CCDC61: variants seen among roughly 807,000 people sequenced by gnomAD.
CCDC61 encodes coiled-coil domain containing 61, also known as centrosomal protein CCDC61.
Under a neutral mutation model 63.0 loss-of-function variants are expected in CCDC61, and 55 were observed. The ratio of observed to expected loss-of-function variants is 0.87; its 90% CI spans 0.70 to 1.09. The LOEUF (loss-of-function observed/expected upper bound fraction) is 1.09, where lower values mean the gene tolerates loss of function less well. CCDC61 is among the 50% of genes least tolerant of loss of function. The probability of loss-of-function intolerance (pLI) is 0.00; values close to 1 mark genes in which losing one functional copy is unlikely to be tolerated. For synonymous variants in CCDC61, 270 were observed against 317.0 expected, an observed-to-expected ratio of 0.85 and a Z score of 1.58; for missense variants, 651 against 731.4, an observed-to-expected ratio of 0.89 and a Z score of 1.27.
chr19:46,000,088 A>T, intron 1 of CCDC61: 1 of 982,908 alleles, frequency 1.0e-6, no homozygotes, highest in Non-Finnish European at 1.2e-6. Context: ...GCGGGAGGGG[A>T]GAGGGGGCTC....
chr19:46,013,791 G>A (rs1340356557), intron 5 of CCDC61, among the ~76,000 whole-genome samples: 4 of 151,804 alleles, frequency 2.6e-5, no homozygotes, highest in East Asian at 1.9e-4. Flanking sequence ...GCTTCAACCC[G>A]GGAGGCAGAG....
intron 1 of CCDC61, among the ~76,000 whole-genome samples, chr19:46,001,520 G>A (rs929976448): frequency 1.3e-5 from 2 of 152,216 alleles, no homozygotes; most frequent in African/African-American, 4.8e-5. Context: ...CAACGCACAC[G>A]GACGAGATCG....
At chr19:46,007,680 G>A (rs1257149796) in intron 4 of CCDC61, among the ~76,000 whole-genome samples, 3 of 152,148 alleles carry the variant, frequency 2.0e-5, no homozygotes, top group Non-Finnish European at 4.4e-5. Flanking sequence ...GTAGCCACTG[G>A]ATTTCTTAGT....
At position 46,018,133 on chromosome 19, in the gene CCDC61, G is replaced by A. The variant is rs1322941000; in HGVS notation, c.1424G>A (p.Gly475Asp). Residue 475 changes from glycine (G) to aspartate (D), a missense_variant, in exon 13 of 14, where the codon GGC becomes GAC. Coordinates refer to ENST00000595358, the MANE Select transcript of CCDC61 (RefSeq NM_001267723.2). This position sits in a 1 kb window ranked among gnomAD's most constrained non-coding sequence, Gnocchi z 4.2. ...HHQKSLANSG[G>D]WVPIKEYSSE... ...CAGAAATCTCTGGCCAACTCCGGGGGCTGGGTCCCCATCAAAGGTGAGCCT... is the reference window on the plus strand; with the variant it reads ...CAGAAATCTCTGGCCAACTCCGGGGACTGGGTCCCCATCAAAGGTGAGCCT... The A allele has an allele frequency of 1.2e-6, 2 of 1,608,384 alleles. No homozygotes were observed. The highest frequency in any genetic ancestry group is 2.2e-5 in the South Asian group (2 of 89,588).
intron 1 of CCDC61, among the ~76,000 whole-genome samples, chr19:45,996,625 C>T (rs564599177): frequency 1.3e-5 from 2 of 152,258 alleles, no homozygotes; most frequent in South Asian, 4.1e-4. Context: ...GTCTTGAACT[C>T]GTGACCTCAG....
chr19:46,008,119 G>A (rs763118902), intron 4 of CCDC61, 21 bp from the exon 5 acceptor site: 33 of 1,590,112 alleles, frequency 2.1e-5, no homozygotes, highest in Non-Finnish European at 2.7e-5. Context: ...AGATGCCACG[G>A]TTTTAATCCT....
At chr19:46,012,846 A>G (rs1968854343) in intron 5 of CCDC61, among the ~76,000 whole-genome samples, 1 of 138,476 alleles carries the variant, frequency 7.2e-6, no homozygotes. Flanking sequence ...TTTGCACTTA[A>G]TTTAATTTTT....
intron 1 of CCDC61, among the ~76,000 whole-genome samples, chr19:45,996,794 A>G (rs62113435): frequency 0.39 from 58,663 of 151,644 alleles, 12,233 homozygotes; most frequent in Non-Finnish European, 0.47. Context: ...CCAGAATCCA[A>G]CCATGCCTCA....
rs980775375 is a variant in CCDC61, at chr19:46,015,893, T to TC, written c.846-160dup. 4.7e-5 allele frequency among the ~76,000 whole-genome samples: 7 copies of TC among 147,900 alleles called. No individual in the cohort carries two copies. Among genetic ancestry groups the TC allele is most frequent in the African/African-American group, 1.5e-4 (6 of 39,750 alleles). Reference sequence around the variant, plus strand: ...GTTTTAGGGGTCCAATTGGGTGAGGTCTGGGGGGGAAGATATCGAGAGGGT... The same window carrying TC: ...GTTTTAGGGGTCCAATTGGGTGAGGTCCTGGGGGGGAAGATATCGAGAGGGT... On this transcript the variant is annotated intron_variant, in intron 7 of 13. Transcript: ENST00000595358. The surrounding 1 kb of genome is among the most constrained non-coding windows in gnomAD (Gnocchi z 5.3).
Position 46,016,702 on chromosome 19 carries a change from A to G in CCDC61, c.1100A>G (p.Gln367Arg). Residue 367 changes from glutamine (Q) to arginine (R), a missense_variant, in exon 10 of 14, where the codon CAG (glutamine) becomes CGG (arginine). Physicochemically the swap from Gln to Arg is conservative, Grantham distance 43. Transcript: ENST00000595358. This position sits in a 1 kb window ranked among gnomAD's most constrained non-coding sequence, Gnocchi z 7.2. ...KQREIQMKQQ[Q>R]RNRLGSGGSG... ...CCTTTCTTTTTTCCCAGGCAGCAGC[A>G]GCGGAACCGCTTAGGCAGTGGGGGA... 1.2e-6 allele frequency: 2 copies of G among 1,612,202 alleles called. No homozygotes were observed. Among genetic ancestry groups the G allele is most frequent in the Non-Finnish European group, 1.7e-6 (2 of 1,179,452 alleles).
At chr19:46,014,157 G>T (rs1420666977) in intron 5 of CCDC61, among the ~76,000 whole-genome samples, 4 of 151,874 alleles carry the variant, frequency 2.6e-5, no homozygotes, top group Non-Finnish European at 2.9e-5. Context: ...TTTACTTCTG[G>T]TTTTCTTATT....
intron 3 of CCDC61, among the ~76,000 whole-genome samples, chr19:46,004,088 G>A (rs1015158864): frequency 4.6e-5 from 7 of 151,880 alleles, no homozygotes; most frequent in Admixed American, 1.3e-4. Context: ...ACAGGCGCAC[G>A]CCACCATGCC....
intron 12 of CCDC61, 114 bp from the exon 13 acceptor site, chr19:46,017,964 T>G: frequency 1.2e-6 from 1 of 831,334 alleles, no homozygotes; most frequent in Admixed American, 2.8e-5. Context: ...GGCCAGTAGG[T>G]GTCAGGCCTT....
chr19:46,014,916 A>C, intron 5 of CCDC61, 133 bp from the exon 6 acceptor site: 1 of 688,536 alleles, frequency 1.5e-6, no homozygotes, highest in Non-Finnish European at 2.2e-6. Flanking sequence ...GCCCCTCCCC[A>C]TGGGGTCAGT....
chr19:46,018,227 G>T lies in CCDC61; in HGVS notation c.1442-63G>T, dbSNP rs765765329. On this transcript the variant is annotated intron_variant, in intron 13 of 13. Transcript: ENST00000595358. The surrounding 1 kb of genome is among the most constrained non-coding windows in gnomAD (Gnocchi z 4.2). The stretch of plus-strand genomic sequence containing the variant: ...GGTAGTGCGGGCAGTGGTATATTGG[G>T]CCCAGGAACTCCCTGGGGCTTCAGG... The T allele has an allele frequency of 1.2e-4, 181 of 1,542,676 alleles. No individual in the cohort carries two copies. Among genetic ancestry groups the T allele is most frequent in the Non-Finnish European group, 1.5e-4 (165 of 1,137,416 alleles).
Position 46,015,450 on chromosome 19 carries a change from G to A in CCDC61, c.845+23G>A, listed in dbSNP as rs915369227. ...GGGGTGAGAGCGAGGCCTGCCAGGCGCCTGGGCGGATGGGCGGGCCCTGAG... is the reference window on the plus strand; with the variant it reads ...GGGGTGAGAGCGAGGCCTGCCAGGCACCTGGGCGGATGGGCGGGCCCTGAG... On this transcript the variant is annotated intron_variant, in intron 7 of 13. Coordinates refer to ENST00000595358, the MANE Select transcript of CCDC61 (RefSeq NM_001267723.2). This position sits in a 1 kb window ranked among gnomAD's most constrained non-coding sequence, Gnocchi z 5.3. The A allele has an allele frequency of 1.9e-6, 3 of 1,588,308 alleles. No homozygotes were observed. Among genetic ancestry groups the A allele is most frequent in the Non-Finnish European group, 8.5e-7 (1 of 1,173,446 alleles).
intron 5 of CCDC61, among the ~76,000 whole-genome samples, chr19:46,014,081 T>C (rs2146482610): frequency 6.6e-6 from 1 of 152,208 alleles, no homozygotes. Context: ...ATTTTTATAG[T>C]TCCAAAACTG....
intron 5 of CCDC61, among the ~76,000 whole-genome samples, chr19:46,014,177 T>C (rs1344179790): frequency 1.3e-5 from 2 of 152,126 alleles, no homozygotes; most frequent in African/African-American, 4.8e-5. Context: ...TTTTTTGAGA[T>C]GTGATCCACC....
In CCDC61 at chr19:46,016,572, T is replaced by C; in HGVS notation, c.1092-122T>C. 6.8e-7 allele frequency: 1 copy of C among 1,469,762 alleles called. No homozygotes were observed. The allele number at this position is 1,469,762 out of a possible 1,614,324, so 91.0% of individuals were successfully genotyped here. ...TCCTCGTCTGTGTTTCTGCGTGCTT[T>C]CCGCTCGTAGGCCTGTCACCTCAGG... On this transcript the variant is annotated intron_variant, in intron 9 of 13. Transcript: ENST00000595358. This position sits in a 1 kb window ranked among gnomAD's most constrained non-coding sequence, Gnocchi z 7.2.
Sources: allele counts gnomAD v4.1 joint callset (sites outside exome capture counted in the v4.1 genomes callset), GRCh38; gene constraint gnomAD v4.1.1; non-coding constraint Gnocchi (gnomAD v3.1); transcripts MANE v1.5; gene names NCBI Gene and HGNC (gene_info 2026-07-23, HGNC 2026-07-21).